Variants in FBXL17 observed in about 807,000 individuals in gnomAD.
The protein encoded by FBXL17 is F-box and leucine rich repeat protein 17, also known as F-box/LRR-repeat protein 17.
In FBXL17, 22 loss-of-function variants were observed where a neutral mutation model predicts 66.2. The observed-to-expected ratio is 0.33, with a 90% CI of 0.24 to 0.47. The LOEUF is 0.47. Ranked by LOEUF, FBXL17 falls within the 20% of genes least tolerant of loss-of-function variation. FBXL17 has a pLI of 1.00. For missense variants in FBXL17, 878 were observed against 948.2 expected, an observed-to-expected ratio of 0.93 and a Z score of 0.97; for synonymous variants, 474 against 400.5, an observed-to-expected ratio of 1.18 and a Z score of -2.19.
In FBXL17 at chr5:108,367,838, C is replaced by T. The variant is rs1438582028; in HGVS notation, c.1109G>A (p.Arg370His). The change falls in exon 2 of 9, where the codon CGT becomes CAT. Residue 370 changes from arginine to histidine, a missense_variant. Arg to His is a conservative substitution (Grantham distance 29). Around this residue, in one of 4 missense-constraint regions of FBXL17, gnomAD observed 236 missense variants for 389.1 expected, o/e 0.61. Transcript: ENST00000542267. ...TAGAATTGGATTCCATACCTGCTGACGACTACTAAGATCCAGCTGCTTCCA... is the reference window on the plus strand; with the variant it reads ...TAGAATTGGATTCCATACCTGCTGATGACTACTAAGATCCAGCTGCTTCCA... ...QFWKQLDLSS[R>H]QQVTDELLEK... The T allele has an allele frequency of 1.9e-6, 3 of 1,550,236 alleles. No individual in the cohort carries two copies. The highest frequency in any genetic ancestry group is 2.4e-5 in the South Asian group (2 of 83,894).
At chr5:108,002,723 C>T (rs1403380143) in intron 7 of FBXL17, among the ~76,000 whole-genome samples, 1 of 152,068 alleles carries the variant, frequency 6.6e-6, no homozygotes, top group African/African-American at 2.4e-5. Context: ...CTAATACATC[C>T]CACAACACTG....
intron 7 of FBXL17, among the ~76,000 whole-genome samples, chr5:107,968,575 T>A (rs945515499): frequency 5.3e-5 from 8 of 152,164 alleles, no homozygotes; most frequent in African/African-American, 1.9e-4. Context: ...AAAATTTTGT[T>A]CTTACTTTTA....
intron 6 of FBXL17, among the ~76,000 whole-genome samples, chr5:108,042,582 C>A (rs1003834713): frequency 1.3e-5 from 2 of 152,138 alleles, no homozygotes; most frequent in Non-Finnish European, 2.9e-5. Context: ...AAGGTTGCTG[C>A]GTCTACAAAT....
At chr5:108,067,642 G>A (rs979722285) in intron 6 of FBXL17, among the ~76,000 whole-genome samples, 4 of 152,078 alleles carry the variant, frequency 2.6e-5, no homozygotes, top group African/African-American at 9.7e-5. Context: ...ACTACTGCAC[G>A]TTTAGAACCC....
intron 7 of FBXL17, among the ~76,000 whole-genome samples, chr5:107,886,199 T>G (rs1387868842): frequency 6.6e-6 from 1 of 152,208 alleles, no homozygotes; most frequent in Non-Finnish European, 1.5e-5. Context: ...CAGTAACTAC[T>G]CTGTGTAATC....
intron 7 of FBXL17, among the ~76,000 whole-genome samples, chr5:107,945,822 A>AT (rs1397570018): frequency 6.6e-6 from 1 of 152,074 alleles, no homozygotes; most frequent in Non-Finnish European, 1.5e-5. Context: ...GTAAACATTT[A>AT]TTTTTTAAGC....
intron 6 of FBXL17, among the ~76,000 whole-genome samples, chr5:108,156,970 T>C (rs1403335289): frequency 6.6e-6 from 1 of 151,858 alleles, no homozygotes; most frequent in African/African-American, 2.4e-5. Context: ...AAAATTAAGT[T>C]ATATAACTTT....
In FBXL17 at chr5:107,997,133, C is replaced by T. The variant is rs559730944; in HGVS notation, c.1822+23792G>A. ...GATTTTATCTAAGTAGGCAGTACAT[C>T]GTAGCGGAAAGTTTAGGGTCAGTGA... On this transcript the variant is annotated intron_variant, in intron 7 of 8. Transcript: ENST00000542267. Among the ~76,000 whole-genome samples, 27 of 152,232 alleles carry T rather than the reference C, an allele frequency of 1.8e-4. No homozygotes were observed. The South Asian group carries it at 4.6e-3, about 26-fold the overall frequency.
At chr5:108,304,996 T>C (rs536636492) in intron 4 of FBXL17, among the ~76,000 whole-genome samples, 11 of 152,112 alleles carry the variant, frequency 7.2e-5, no homozygotes, top group African/African-American at 2.2e-4. Context: ...AAGAAGAATC[T>C]AGGGAAAGGT....
intron 4 of FBXL17, chr5:108,299,503 A>C: frequency 1.1e-6 from 1 of 945,198 alleles, no homozygotes; most frequent in Non-Finnish European, 1.3e-6. Context: ...TAAGGAAAGA[A>C]AAGAAAACAG....
intron 4 of FBXL17, among the ~76,000 whole-genome samples, chr5:108,236,782 G>C (rs943869442): frequency 2.2e-4 from 34 of 152,094 alleles, no homozygotes; most frequent in African/African-American, 6.0e-4. Flanking sequence ...TTCATCTCTT[G>C]CAGGCCAAGT....
At chr5:108,109,784 T>A (rs1005486557) in intron 6 of FBXL17, among the ~76,000 whole-genome samples, 2 of 152,154 alleles carry the variant, frequency 1.3e-5, no homozygotes, top group Non-Finnish European at 2.9e-5. Context: ...AAACAATGTA[T>A]ATCAATACAA....
At chr5:108,134,108 C>A (rs1751042063) in intron 6 of FBXL17, among the ~76,000 whole-genome samples, 1 of 151,730 alleles carries the variant, frequency 6.6e-6, no homozygotes, top group African/African-American at 2.4e-5. Flanking sequence ...CCAAAAATGG[C>A]AAAAAACAAT....
intron 7 of FBXL17, among the ~76,000 whole-genome samples, chr5:107,901,826 A>G (rs1416912399): frequency 6.6e-6 from 1 of 152,184 alleles, no homozygotes; most frequent in African/African-American, 2.4e-5. Flanking sequence ...TAATGGGGAA[A>G]GGTAGGCACT....
intron 6 of FBXL17, among the ~76,000 whole-genome samples, chr5:108,113,477 G>A (rs965679331): frequency 2.6e-5 from 4 of 151,716 alleles, no homozygotes; most frequent in Admixed American, 1.3e-4. Context: ...CCAGTGTATC[G>A]AGAATGGAAG....
intron 6 of FBXL17, among the ~76,000 whole-genome samples, chr5:108,022,283 G>T (rs1754633728): frequency 6.6e-6 from 1 of 151,820 alleles, no homozygotes; most frequent in African/African-American, 2.4e-5. Flanking sequence ...ATGCAATTAT[G>T]ATTGATACAG....
At position 108,224,239 on chromosome 5, in the gene FBXL17, G is replaced by C; in HGVS notation, c.1507-11C>G. 6.6e-7 allele frequency: 1 copy of C among 1,505,646 alleles called. No homozygotes were observed. Among genetic ancestry groups the C allele is most frequent in the Non-Finnish European group, 9.2e-7 (1 of 1,087,532 alleles). 93.3% of individuals were successfully genotyped at this position (1,505,646 alleles called of 1,614,324 possible). On this transcript the variant is annotated splice_polypyrimidine_tract_variant and intron_variant, in intron 4 of 8. Transcript: ENST00000542267. ...TGACTGATCTGTCACCTAGGGAAAA[G>C]ACATGGATGAAATTATTCAAGGTAA...
At chr5:108,043,851 T>C (rs1263447347) in intron 6 of FBXL17, among the ~76,000 whole-genome samples, 2 of 152,186 alleles carry the variant, frequency 1.3e-5, no homozygotes, top group African/African-American at 4.8e-5. Context: ...GCAAAGTACA[T>C]CTTTCCATTT....
intron 7 of FBXL17, among the ~76,000 whole-genome samples, chr5:107,892,896 GAT>G (rs1314324774): frequency 1.3e-5 from 2 of 152,148 alleles, no homozygotes; most frequent in African/African-American, 2.4e-5. Flanking sequence ...TTCCAGTTTT[GAT>G]AGTTTAGTAG....
Sources: allele counts gnomAD v4.1 joint callset (sites outside exome capture counted in the v4.1 genomes callset), GRCh38; gene constraint gnomAD v4.1.1; regional missense constraint gnomAD v4.1.1; transcripts MANE v1.5; gene names NCBI Gene and HGNC (gene_info 2026-07-23, HGNC 2026-07-21).